Variants in SRPRA observed in about 807,000 individuals in gnomAD.
SRPRA encodes SRP receptor subunit alpha.
A neutral mutation model predicts 61.1 loss-of-function variants in SRPRA; 30 were observed. The observed-to-expected ratio is 0.49, with a 90% CI of 0.37 to 0.67. The LOEUF (loss-of-function observed/expected upper bound fraction) is 0.67. SRPRA is among the 30% of genes least tolerant of loss of function. The pLI is 0.00. For missense variants in SRPRA, 759 were observed against 828.4 expected, an observed-to-expected ratio of 0.92 and a Z score of 1.03; for synonymous variants, 324 against 299.7, an observed-to-expected ratio of 1.08 and a Z score of -0.84.
At position 126,266,237 on chromosome 11, in the gene SRPRA, G is replaced by C. The variant is rs1950807153; in HGVS notation, c.882C>G (p.Asp294Glu). ...TGSGGQLQDL[D>E]CSSSDDEGAA... The stretch of plus-strand genomic sequence containing the variant: ...CCCCTTCGTCATCAGAGCTGCTGCA[G>C]TCCAGATCCTGAAGCTGCCCCCCAG... The change falls in exon 7 of 14, where the codon GAC (aspartate) becomes GAG (glutamate). Residue 294 changes from aspartate (D) to glutamate (E), a missense_variant. Coordinates refer to ENST00000332118, the MANE Select transcript of SRPRA (RefSeq NM_003139.4). 9 of 1,614,200 alleles carry C rather than the reference G, an allele frequency of 5.6e-6. No individual in the cohort carries two copies. Among genetic ancestry groups the C allele is most frequent in the Non-Finnish European group, 7.6e-6 (9 of 1,180,042 alleles).
chr11:126,241,103 C>A, the SRPRA span: 1 of 1,491,176 alleles, frequency 6.7e-7, no homozygotes, highest in Non-Finnish European at 9.0e-7. Flanking sequence ...ACTATCACAA[C>A]TAGCATGATT....
At chr11:126,262,384 A>G (rs1950719214), downstream of SRPRA, 3 of 551,480 alleles carry the variant, frequency 5.4e-6, no homozygotes, top group Non-Finnish European at 9.7e-6. Context: ...CTCCCAACCC[A>G]CTCCCCAGGC....
At chr11:126,255,123 A>G in the SRPRA span, among the ~76,000 whole-genome samples, 1 of 152,234 alleles carries the variant, frequency 6.6e-6, no homozygotes, top group Non-Finnish European at 1.5e-5. This position sits in a 1 kb window ranked among gnomAD's most constrained non-coding sequence, Gnocchi z 4.6. Context: ...TTCTAAAGAG[A>G]CTTTGTATAA....
At chr11:126,245,309 A>G in the SRPRA span, 1 of 151,872 alleles carries the variant, frequency 6.6e-6, no homozygotes, top group Non-Finnish European at 1.5e-5. Context: ...ACTTCATATG[A>G]AATTACAAGG....
At chr11:126,243,685 C>G in the SRPRA span, among the ~76,000 whole-genome samples, 1 of 152,040 alleles carries the variant, frequency 6.6e-6, no homozygotes, top group Non-Finnish European at 1.5e-5. Flanking sequence ...GGGCAGATCA[C>G]TTGAGGTCAG....
At chr11:126,262,157 T>TAA (rs1950714833), downstream of SRPRA, 1 of 1,613,300 alleles carries the variant, frequency 6.2e-7, no homozygotes, top group Non-Finnish European at 8.5e-7. Context: ...ATCACCACCG[T>TAA]TTAGACCAAG....
chr11:126,254,630 C>T, the SRPRA span, among the ~76,000 whole-genome samples: 8 of 152,170 alleles, frequency 5.3e-5, no homozygotes, highest in Admixed American at 2.0e-4. Flanking sequence ...GCCAGGAGTT[C>T]GAGACCAGCC....
chr11:126,264,335 CA>C lies in SRPRA; in HGVS notation c.1689+40del. The C allele has an allele frequency of 6.2e-7, 1 of 1,613,398 alleles. No individual in the cohort carries two copies. Among genetic ancestry groups the C allele is most frequent in the Non-Finnish European group, 8.5e-7 (1 of 1,179,468 alleles). On this transcript the variant is annotated intron_variant, in intron 12 of 13. Transcript: ENST00000332118. This position sits in a 1 kb window ranked among gnomAD's most constrained non-coding sequence, Gnocchi z 5.0. ...AAGTGTAAGAACCATCTAAATTGACCAAAGCTCAAGTTGTAAAGGGAACTGG... is the reference window on the plus strand; with the variant it reads ...AAGTGTAAGAACCATCTAAATTGACCAAGCTCAAGTTGTAAAGGGAACTGG...
chr11:126,243,993 G>GA, the SRPRA span, among the ~76,000 whole-genome samples: 3 of 150,914 alleles, frequency 2.0e-5, no homozygotes, highest in South Asian at 6.3e-4. Context: ...AGTAGGTGCA[G>GA]AAAAAACATG....
At chr11:126,260,531 T>C (rs993340466), downstream of SRPRA, 3 of 152,196 alleles carry the variant, frequency 2.0e-5, no homozygotes, top group African/African-American at 4.8e-5. Flanking sequence ...ATTATTCCTG[T>C]TAGGCAACGT....
At chr11:126,245,189 G>T in the SRPRA span, 1 of 151,908 alleles carries the variant, frequency 6.6e-6, no homozygotes, top group African/African-American at 2.4e-5. Context: ...ATTGGAAATG[G>T]AGCAGGTCAA....
the SRPRA span, among the ~76,000 whole-genome samples, chr11:126,253,112 G>C: frequency 6.6e-6 from 1 of 152,198 alleles, no homozygotes. This position sits in a 1 kb window ranked among gnomAD's most constrained non-coding sequence, Gnocchi z 5.1. Flanking sequence ...CAAAGATTAT[G>C]ACCAAGTGTG....
In SRPRA at chr11:126,267,111, C is replaced by T; in HGVS notation, c.526+64G>A. The T allele has an allele frequency of 6.3e-7, 1 of 1,589,198 alleles. No homozygotes were observed. Among genetic ancestry groups the T allele is most frequent in the South Asian group, 1.1e-5 (1 of 89,062 alleles). ...AAGCAATGACAAAAGGAAGGACCAC[C>T]TCAGTCCTTAGCACCGTGTTAACAC... On this transcript the variant is annotated intron_variant, in intron 4 of 13. Transcript: ENST00000332118. The surrounding 1 kb of genome is among the most constrained non-coding windows in gnomAD (Gnocchi z 4.2).
At chr11:126,247,384 A>AGCTTAAATAG in the SRPRA span, among the ~76,000 whole-genome samples, 2 of 152,194 alleles carry the variant, frequency 1.3e-5, no homozygotes. Context: ...AGGATTTAGT[A>AGCTTAAATAG]GCTTAAATAG....
chr11:126,254,141 AG>A, the SRPRA span, among the ~76,000 whole-genome samples: 1 of 152,236 alleles, frequency 6.6e-6, no homozygotes, highest in African/African-American at 2.4e-5. Flanking sequence ...TCATTCCTGA[AG>A]TGGAAACTTA....
At chr11:126,240,729 G>A in the SRPRA span, 1 of 1,485,898 alleles carries the variant, frequency 6.7e-7, no homozygotes, top group South Asian at 1.4e-5. Flanking sequence ...GAGTCAGACA[G>A]TCTTTCTGTG....
chr11:126,240,361 A>G, the SRPRA span, among the ~76,000 whole-genome samples: 2 of 151,930 alleles, frequency 1.3e-5, no homozygotes, highest in African/African-American at 4.8e-5. Context: ...ACATTTCTCA[A>G]TAATAGGAAC....
the SRPRA span, among the ~76,000 whole-genome samples, chr11:126,238,213 T>G: frequency 6.6e-6 from 1 of 151,700 alleles, no homozygotes; most frequent in African/African-American, 2.4e-5. Context: ...AATACAAAAA[T>G]TGGCTGGGTG....
At chr11:126,252,657 C>G in the SRPRA span, among the ~76,000 whole-genome samples, 1 of 152,004 alleles carries the variant, frequency 6.6e-6, no homozygotes, top group Admixed American at 6.6e-5. The surrounding 1 kb of genome is among the most constrained non-coding windows in gnomAD (Gnocchi z 4.7). Flanking sequence ...GCAGGACGAT[C>G]GATTGAGCTG....
Sources: allele counts gnomAD v4.1 joint callset (sites outside exome capture counted in the v4.1 genomes callset), GRCh38; gene constraint gnomAD v4.1.1; non-coding constraint Gnocchi (gnomAD v3.1); transcripts MANE v1.5; gene names NCBI Gene and HGNC (gene_info 2026-07-23, HGNC 2026-07-21).